The following CHD6 variants were observed in gnomAD, a reference collection of about 807,000 sequenced individuals.
The protein encoded by CHD6 is ATP-dependent chromatin remodeler CHD6.
In CHD6, 50 loss-of-function variants were observed where a neutral mutation model predicts 276.9. The ratio of observed to expected loss-of-function variants is 0.18; its 90% confidence interval spans 0.14 to 0.23. The LOEUF (loss-of-function observed/expected upper bound fraction) is 0.23, where lower values mean the gene tolerates loss of function less well. Among genes scored for constraint, CHD6 ranks in the 10% least tolerant of loss-of-function variants. CHD6 has a pLI of 1.00. For synonymous variants in CHD6, 1,173 were observed against 1,229.3 expected, an observed-to-expected ratio of 0.95 and a Z score of 0.96; for missense variants, 2,564 against 3,365.8, an observed-to-expected ratio of 0.76 and a Z score of 5.89.
chr20:41,469,402 A>C (rs1179034941), intron 17 of CHD6, among the ~76,000 whole-genome samples: 3 of 152,160 alleles, frequency 2.0e-5, no homozygotes, highest in Non-Finnish European at 4.4e-5. Context: ...AGAACAATGG[A>C]AGAGGAAGGT....
intron 3 of CHD6, among the ~76,000 whole-genome samples, chr20:41,532,193 T>C (rs546946767): frequency 2.6e-5 from 4 of 152,350 alleles, no homozygotes; most frequent in African/African-American, 7.2e-5. Flanking sequence ...TCTGTACCTA[T>C]GCACTCTGGT....
At chr20:41,497,681 A>G in intron 7 of CHD6, 180 bp from the exon 8 acceptor site, 1 of 597,658 alleles carries the variant, frequency 1.7e-6, no homozygotes. Context: ...AAAACAAAAC[A>G]AAACGGAGTA....
At chr20:41,468,104 C>T (rs1049234411) in intron 17 of CHD6, among the ~76,000 whole-genome samples, 5 of 149,268 alleles carry the variant, frequency 3.3e-5, no homozygotes, top group Non-Finnish European at 5.9e-5. Context: ...CAACTCCTAT[C>T]ATTCTTTTTT....
chr20:41,537,267 C>T lies in CHD6; in HGVS notation c.34-3697G>A, dbSNP rs184280241. Among the ~76,000 whole-genome samples the T allele has an allele frequency of 1.1e-3, 166 of 152,030 alleles. No individual in the cohort carries two copies. The Middle Eastern group carries it at 0.014, about 12-fold the overall frequency. On this transcript the variant is annotated intron_variant, in intron 2 of 36. Coordinates refer to ENST00000373233, the MANE Select transcript of CHD6 (RefSeq NM_032221.5). The stretch of plus-strand genomic sequence containing the variant: ...TGGGTTCTGCATCTATGGAGTCAAC[C>T]GAGGATTGAAAATATTTGAAAACAA...
chr20:41,589,152 C>T (rs573178148), intron 1 of CHD6, among the ~76,000 whole-genome samples: 14 of 152,216 alleles, frequency 9.2e-5, no homozygotes, highest in South Asian at 4.2e-4. Context: ...AAAAGGTCTT[C>T]GACAAAATTC....
At chr20:41,558,706 C>G (rs190891678) in intron 1 of CHD6, among the ~76,000 whole-genome samples, 86 of 152,138 alleles carry the variant, frequency 5.7e-4, no homozygotes, top group African/African-American at 2.0e-3. Flanking sequence ...TTGAGATCCA[C>G]CCTCTCTCCC....
intron 5 of CHD6, among the ~76,000 whole-genome samples, chr20:41,509,617 A>C (rs2145948956): frequency 6.6e-6 from 1 of 152,314 alleles, no homozygotes; most frequent in Middle Eastern, 3.4e-3. Flanking sequence ...CCACGAGCCA[A>C]AGCCTTATTC....
chr20:41,558,355 G>A (rs1403550309), intron 1 of CHD6, among the ~76,000 whole-genome samples: 2 of 152,194 alleles, frequency 1.3e-5, no homozygotes, highest in African/African-American at 4.8e-5. Context: ...GGCCTCAGGA[G>A]AATTAAAAGG....
At chr20:41,476,867 T>C in intron 16 of CHD6, among the ~76,000 whole-genome samples, 1 of 152,124 alleles carries the variant, frequency 6.6e-6, no homozygotes, top group East Asian at 1.9e-4. Context: ...TATAAACATG[T>C]AAATGTGTAT....
intron 25 of CHD6, among the ~76,000 whole-genome samples, chr20:41,442,448 T>C (rs914116859): frequency 6.6e-6 from 1 of 152,104 alleles, no homozygotes; most frequent in Non-Finnish European, 1.5e-5. Context: ...TGAGACCCTG[T>C]CTCTTAAAAA....
At chr20:41,426,501 C>T in intron 27 of CHD6, among the ~76,000 whole-genome samples, 1 of 152,178 alleles carries the variant, frequency 6.6e-6, no homozygotes. Flanking sequence ...TTACCATCGT[C>T]ACTTGCAATT....
At chr20:41,611,997 TGAA>T (rs767413853) in intron 1 of CHD6, among the ~76,000 whole-genome samples, 2 of 152,148 alleles carry the variant, frequency 1.3e-5, no homozygotes, top group Non-Finnish European at 2.9e-5. Flanking sequence ...CTTTGATTAG[TGAA>T]GAAGTAGTTT....
At chr20:41,560,263 C>G (rs1010829953) in intron 1 of CHD6, among the ~76,000 whole-genome samples, 2 of 152,180 alleles carry the variant, frequency 1.3e-5, no homozygotes, top group African/African-American at 4.8e-5. Context: ...ACACAGAGCC[C>G]TGCATAAGCG....
At chr20:41,543,336 C>T (rs1379016523) in intron 2 of CHD6, among the ~76,000 whole-genome samples, 1 of 152,100 alleles carries the variant, frequency 6.6e-6, no homozygotes, top group Non-Finnish European at 1.5e-5. Flanking sequence ...TTTCAAGGGC[C>T]ATTGCTTTTA....
chr20:41,446,098 C>T (rs1193390846), intron 24 of CHD6, among the ~76,000 whole-genome samples: 2 of 152,180 alleles, frequency 1.3e-5, no homozygotes, highest in Non-Finnish European at 2.9e-5. Flanking sequence ...ATGTGAACCA[C>T]AGCAAAGGCC....
intron 1 of CHD6, among the ~76,000 whole-genome samples, chr20:41,595,521 G>A (rs562019856): frequency 6.6e-6 from 1 of 152,240 alleles, no homozygotes; most frequent in East Asian, 1.9e-4. Context: ...TGAGCCTCCA[G>A]AGAAAGGGTG....
intron 2 of CHD6, among the ~76,000 whole-genome samples, chr20:41,538,042 T>G (rs964396983): frequency 2.0e-5 from 3 of 152,198 alleles, no homozygotes; most frequent in African/African-American, 4.8e-5. Flanking sequence ...AATGGCATAT[T>G]ATTCAGCCAT....
chr20:41,537,814 G>C (rs1188490848), intron 2 of CHD6, among the ~76,000 whole-genome samples: 1 of 152,194 alleles, frequency 6.6e-6, no homozygotes. Flanking sequence ...ACTTAACAGT[G>C]TGACAGTCCT....
chr20:41,574,980 G>C (rs1430558906), intron 1 of CHD6, among the ~76,000 whole-genome samples: 2 of 152,214 alleles, frequency 1.3e-5, no homozygotes, highest in African/African-American at 4.8e-5. Flanking sequence ...TTGACTAGGA[G>C]TGTAACTTTG....
Sources: allele counts gnomAD v4.1 joint callset (sites outside exome capture counted in the v4.1 genomes callset), GRCh38; gene constraint gnomAD v4.1.1; transcripts MANE v1.5; gene names NCBI Gene and HGNC (gene_info 2026-07-23, HGNC 2026-07-21).